Variants in ABCA7 observed in about 807,000 individuals in gnomAD.
The protein encoded by ABCA7 is ATP binding cassette subfamily A member 7, also known as phospholipid-transporting ATPase ABCA7.
In ABCA7, 261 loss-of-function variants were observed where a neutral mutation model predicts 227.6. The observed-to-expected ratio is 1.15, with a 90% CI of 1.04 to 1.27. The LOEUF is 1.27. Among genes scored for constraint, ABCA7 ranks in the 50% most tolerant of loss-of-function variants. The pLI is 0.00. For missense variants in ABCA7, 3,331 were observed against 2,924.5 expected (o/e 1.14, Z -3.21); for synonymous variants, 1,488 against 1,279.7 (o/e 1.16, Z -3.47).
In ABCA7 at chr19:1,057,920, CG is replaced by C. The variant is rs767303000; in HGVS notation, c.4887del (p.Ile1630SerfsTer25). The C allele has an allele frequency of 1.9e-6, 3 of 1,613,888 alleles. No homozygotes were observed. In the African/African-American group the frequency reaches 4.0e-5, roughly 22 times the overall value. On this transcript the variant is annotated frameshift_variant, in exon 36 of 47. Coordinates refer to ENST00000263094, the MANE Select transcript of ABCA7 (RefSeq NM_019112.4). LOFTEE classifies it high-confidence loss of function. ...GACTCCTATTGTCCCTTCAGCTGGTCGATCACACCGCTCATGTACCCAGCCT... is the reference window on the plus strand; with the variant it reads ...GACTCCTATTGTCCCTTCAGCTGGTCATCACACCGCTCATGTACCCAGCCT... The part of the protein sequence containing the change: ...LLLLLLLYGW[S>X]ITPLMYPASF...
Position 1,057,390 on chromosome 19 carries a change from C to T in ABCA7, c.4841C>T (p.Ala1614Val). 1 of 1,613,950 alleles carries T rather than the reference C, an allele frequency of 6.2e-7. No homozygotes were observed. Among genetic ancestry groups the T allele is most frequent in the African/African-American group, 1.3e-5 (1 of 75,060 alleles). The change falls in exon 35 of 47, where the codon GCC (alanine) becomes GTC (valine). Residue 1614 changes from alanine to valine, a missense_variant. Physicochemically the swap from Ala to Val is moderately conservative, Grantham distance 64. Transcript: ENST00000263094. ...AFQQRAYVAP[A>V]NLPALLLLLL... Reference sequence around the variant, plus strand: ...CAGCAGAGGGCATATGTGGCCCCTGCCAACCTGCCTGCTCTCCTGCTGTTG... The same window carrying T: ...CAGCAGAGGGCATATGTGGCCCCTGTCAACCTGCCTGCTCTCCTGCTGTTG...
In ABCA7 at chr19:1,041,880, C is replaced by G. The variant is rs772151243; in HGVS notation, c.210C>G (p.Leu70=). 1 of 1,599,216 alleles carries G rather than the reference C, an allele frequency of 6.3e-7. No individual in the cohort carries two copies. Among genetic ancestry groups the G allele is most frequent in the East Asian group, 2.2e-5 (1 of 44,566 alleles). Residue 70 remains leucine (L), a synonymous_variant, in exon 4 of 47, where the codon CTC becomes CTG. Coordinates refer to ENST00000263094, the MANE Select transcript of ABCA7 (RefSeq NM_019112.4). The part of the protein sequence containing the change: ...PLPSAGTVPW[L]QGLICNVNNT... Reference sequence around the variant, plus strand: ...CATCGGCGGGCACCGTGCCCTGGCTCCAGGGTCTCATCTGTAATGTGAACA... The same window carrying G: ...CATCGGCGGGCACCGTGCCCTGGCTGCAGGGTCTCATCTGTAATGTGAACA...
rs767294888 is a variant in ABCA7 at position 1,047,531 on chromosome 19, T to C, written c.2146T>C (p.Trp716Arg). 1.3e-6 allele frequency: 2 copies of C among 1,597,152 alleles called. No homozygotes were observed. The highest frequency in any genetic ancestry group is 1.7e-6 in the Non-Finnish European group (2 of 1,177,070). Residue 716 changes from tryptophan (W) to arginine (R), a missense_variant, in exon 16 of 47, where the codon TGG (tryptophan) becomes CGG (arginine). Transcript: ENST00000263094. ...LLEEQGEGAQ[W>R]HNVGTRPTAD... ...GGAGGAGCAGGGCGAGGGCGCGCAG[T>C]GGCACAACGTGGGCACCCGGCCTAC...
At chr19:1,049,162 G>A (rs955983676) in intron 17 of ABCA7, 104 bp from the exon 18 acceptor site, 36 of 1,366,098 alleles carry the variant, frequency 2.6e-5, no homozygotes, top group Middle Eastern at 2.6e-4. Flanking sequence ...AGCTTTTATA[G>A]GCCCCGGCCC....
Position 1,044,690 on chromosome 19 carries a change from G to T in ABCA7, c.1161G>T (p.Gln387His). The T allele has an allele frequency of 6.2e-7, 1 of 1,612,720 alleles. No homozygotes were observed. The highest frequency in any genetic ancestry group is 8.5e-7 in the Non-Finnish European group (1 of 1,179,950). ...LDPGSGGYSW[Q>H]DAHADVGHLV... The stretch of plus-strand genomic sequence containing the variant: ...CTGGGAGCGGTGGCTACAGCTGGCA[G>T]GACGCACACGCTGATGTGGGGCACC... Residue 387 changes from glutamine (Q) to histidine (H), a missense_variant, in exon 11 of 47, where the codon CAG (glutamine) becomes CAT (histidine). Gln to His is a conservative substitution (Grantham distance 24, BLOSUM62 0). Coordinates refer to ENST00000263094, the MANE Select transcript of ABCA7 (RefSeq NM_019112.4).
chr19:1,042,650 G>C, intron 6 of ABCA7, 96 bp from the exon 7 acceptor site: 5 of 1,284,564 alleles, frequency 3.9e-6, no homozygotes, highest in Non-Finnish European at 5.7e-6. Flanking sequence ...GTAAAGTGGG[G>C]GCTATGATAG....
rs1352479220 is a variant in ABCA7 at position 1,055,292 on chromosome 19, G to A, written c.4146G>A (p.Leu1382=). The change falls in exon 30 of 47, where the codon CTG becomes CTA. Residue 1382 remains leucine, a synonymous_variant. Transcript: ENST00000263094. ...GCTCTGGGGAAGTGGTTCAGAACCT[G>A]ACAGGCCGGAACCTGTCTGACTTCC... ...VTGSGEVVQN[L]TGRNLSDFLV... The A allele has an allele frequency of 1.2e-6, 2 of 1,604,796 alleles. No individual in the cohort carries two copies. Among genetic ancestry groups the A allele is most frequent in the Non-Finnish European group, 1.7e-6 (2 of 1,177,156 alleles).
At position 1,045,169 on chromosome 19, in the gene ABCA7, C is replaced by T. The variant is rs936265005; in HGVS notation, c.1383C>T (p.His461=). 2.5e-6 allele frequency: 4 copies of T among 1,608,842 alleles called. No homozygotes were observed. The highest frequency in any genetic ancestry group is 2.2e-5 in the East Asian group (1 of 44,806). ...CAACCCCAGACCTGGGCCCCGGCCA[C>T]GTGCGCATCAAAATCCGCATGGACA... ...EHPTPDLGPG[H]VRIKIRMDID... Residue 461 remains histidine (H), a synonymous_variant, in exon 12 of 47, where the codon CAC becomes CAT. Coordinates refer to ENST00000263094, the MANE Select transcript of ABCA7 (RefSeq NM_019112.4).
In ABCA7 at chr19:1,051,942, G is replaced by A; in HGVS notation, c.2963G>A (p.Gly988Asp). 1.2e-6 allele frequency: 2 copies of A among 1,611,016 alleles called. No homozygotes were observed. Among genetic ancestry groups the A allele is most frequent in the Non-Finnish European group, 1.7e-6 (2 of 1,179,726 alleles). ...IWELLLKYRE[G>D]RTLILSTHHL... ...TTGTGGGTTGGTCCCCCGTGCCTAG[G>A]TCGCACGCTGATCCTCTCCACCCAC... The change falls in exon 22 of 47, where the codon GGT becomes GAT. Residue 988 changes from glycine to aspartate, a missense_variant and splice_region_variant. Gly to Asp is a moderately conservative substitution (Grantham distance 94). Coordinates refer to ENST00000263094, the MANE Select transcript of ABCA7 (RefSeq NM_019112.4).
intron 40 of ABCA7, 74 bp from the exon 41 acceptor site, chr19:1,061,708 A>T (rs1444597530): frequency 1.7e-5 from 24 of 1,433,648 alleles, no homozygotes; most frequent in Non-Finnish European, 2.1e-5. Flanking sequence ...TCAAAAAAAA[A>T]AAAAAAAGAA....
Position 1,050,909 on chromosome 19 carries a change from C to G in ABCA7, c.2553-12C>G. 1 of 1,586,916 alleles carries G rather than the reference C, an allele frequency of 6.3e-7. No homozygotes were observed. Among genetic ancestry groups the G allele is most frequent in the South Asian group, 1.1e-5 (1 of 88,320 alleles). On this transcript the variant is annotated splice_polypyrimidine_tract_variant and intron_variant, in intron 18 of 46. Coordinates refer to ENST00000263094, the MANE Select transcript of ABCA7 (RefSeq NM_019112.4). ...TGTGAAGGGGGCTACTCTGAGACCC[C>G]TCTATCCACAGGTCCATCTTGAGTG... is the stretch of plus-strand genomic sequence containing the variant.
Position 1,040,373 on chromosome 19 carries a change from C to T in ABCA7, c.-138+177C>T, listed in dbSNP as rs566830319. ...AAGGGGGGCATCGGACATCTGGGAC[C>T]CTTAAGAGGGCCTTTGCCGATCACA... is the stretch of plus-strand genomic sequence containing the variant. On this transcript the variant is annotated intron_variant, in intron 1 of 46. Coordinates refer to ENST00000263094, the MANE Select transcript of ABCA7 (RefSeq NM_019112.4). 6.6e-5 allele frequency among the ~76,000 whole-genome samples: 10 copies of T among 152,280 alleles called. No individual in the cohort carries two copies. In the South Asian group the frequency reaches 2.1e-3, roughly 32 times the overall value.
At chr19:1,041,704 G>T in intron 3 of ABCA7, 101 bp downstream of exon 3, 1 of 1,575,558 alleles carries the variant, frequency 6.3e-7, no homozygotes, top group Non-Finnish European at 8.6e-7. Context: ...GCCTTCACCA[G>T]GCCGCCAATA....
intron 1 of ABCA7, among the ~76,000 whole-genome samples, 189 bp from the exon 2 acceptor site, chr19:1,041,036 C>T (rs1284943185): frequency 2.6e-5 from 4 of 152,006 alleles, no homozygotes; most frequent in Non-Finnish European, 5.9e-5. Flanking sequence ...GCGTTAAGCC[C>T]AAACTCGGTC....
At chr19:1,060,319 C>T (rs917744433) in intron 40 of ABCA7, among the ~76,000 whole-genome samples, 9 of 151,586 alleles carry the variant, frequency 5.9e-5, no homozygotes, top group African/African-American at 2.2e-4. Context: ...TCAAGCGATT[C>T]TCCAGCCTCA....
chr19:1,057,840 G>C, intron 35 of ABCA7, 75 bp from the exon 36 acceptor site: 1 of 1,548,408 alleles, frequency 6.5e-7, no homozygotes, highest in Non-Finnish European at 8.8e-7. Flanking sequence ...AGAGAAGATG[G>C]GAATGGAGAT....
At position 1,042,367 on chromosome 19, in the gene ABCA7, C is replaced by A; in HGVS notation, c.468C>A (p.Val156=). The change falls in exon 6 of 47, where the codon GTC becomes GTA. Residue 156 remains valine (V), a synonymous_variant. Coordinates refer to ENST00000263094, the MANE Select transcript of ABCA7 (RefSeq NM_019112.4). The stretch of plus-strand genomic sequence containing the variant: ...CACTGGAACCACCCATGCTGGATGT[C>A]GCGGAGCTGCTGACGTCACTGCTGC... ...QSPLEPPMLD[V]AELLTSLLRT... The A allele has an allele frequency of 6.2e-7, 1 of 1,603,904 alleles. No homozygotes were observed. Among genetic ancestry groups the A allele is most frequent in the South Asian group, 1.1e-5 (1 of 90,394 alleles).
Position 1,051,901 on chromosome 19 carries a change from G to A in ABCA7, c.2963-41G>A, listed in dbSNP as rs557776069. The A allele has an allele frequency of 1.7e-4, 271 of 1,597,226 alleles. 5 individuals carry two copies. The South Asian group carries it at 2.5e-3, about 15-fold the overall frequency. ...GAGGCCCCAGCTCGGGCAAAGACGC[G>A]GCGGCCTGATGGTAGTTGTGGGTTG... On this transcript the variant is annotated intron_variant, in intron 21 of 46. Transcript: ENST00000263094.
At position 1,053,444 on chromosome 19, in the gene ABCA7, C is replaced by G; in HGVS notation, c.3336C>G (p.Ser1112Arg). ...CCTACACGGGTGCCCATGACGGCAG[C>G]TTCGCCACACTCTTCCGAGAGCTAG... ...VLPYTGAHDG[S>R]FATLFRELDT... is the part of the protein sequence containing the mutation. Residue 1112 changes from serine (S) to arginine (R), a missense_variant, in exon 24 of 47, where the codon AGC (serine) becomes AGG (arginine). Transcript: ENST00000263094. 6.2e-7 allele frequency: 1 copy of G among 1,602,686 alleles called. No homozygotes were observed. Among genetic ancestry groups the G allele is most frequent in the Non-Finnish European group, 8.5e-7 (1 of 1,176,398 alleles).
Sources: gnomAD v4.1 joint callset for allele counts (sites outside exome capture counted in the v4.1 genomes callset) on GRCh38, gnomAD v4.1.1 for gene constraint, MANE v1.5 for transcripts, NCBI Gene and HGNC (gene_info 2026-07-23, HGNC 2026-07-21) for gene names.